The following CMC1 variants were observed in gnomAD, a reference collection of about 807,000 sequenced individuals.
CMC1 encodes the protein COX assembly mitochondrial protein homolog.
CMC1 carries 14 observed loss-of-function variants against 14.1 expected under a neutral mutation model. The observed-to-expected ratio is 0.99, with a 90% CI of 0.66 to 1.55. The LOEUF (loss-of-function observed/expected upper bound fraction) is 1.55, where lower values mean the gene tolerates loss of function less well. Among genes scored for constraint, CMC1 ranks in the 40% most tolerant of loss-of-function variants. The pLI, the probability that CMC1 is intolerant of heterozygous loss-of-function variation, is 0.00. For synonymous variants in CMC1, 50 were observed against 38.4 expected, an observed-to-expected ratio of 1.30 and a Z score of -1.12; for missense variants, 127 against 123.8, an observed-to-expected ratio of 1.03 and a Z score of -0.12.
chr3:28,258,429 A>T (rs376798742), intron 1 of CMC1, among the ~76,000 whole-genome samples: 4 of 150,140 alleles, frequency 2.7e-5, no homozygotes, highest in African/African-American at 9.7e-5. Context: ...CATTAGGCTT[A>T]TGATCCATTG....
intron 1 of CMC1, among the ~76,000 whole-genome samples, chr3:28,252,657 G>T (rs1311491155): frequency 6.6e-6 from 1 of 152,158 alleles, no homozygotes; most frequent in Non-Finnish European, 1.5e-5. Flanking sequence ...CCCTGCTTCA[G>T]CATAACTGTG....
intron 2 of CMC1, among the ~76,000 whole-genome samples, chr3:28,273,043 A>G (rs534974601): frequency 1.3e-5 from 2 of 152,274 alleles, no homozygotes; most frequent in African/African-American, 4.8e-5. Context: ...GGCCTCATAA[A>G]ATGAGTTAGG....
chr3:28,275,573 T>C (rs1010507033), intron 2 of CMC1, among the ~76,000 whole-genome samples: 1 of 152,068 alleles, frequency 6.6e-6, no homozygotes, highest in Non-Finnish European at 1.5e-5. Flanking sequence ...ACCCCCCGAT[T>C]GGGTCTCACC....
At chr3:28,269,457 C>T (rs1024086832) in intron 2 of CMC1, among the ~76,000 whole-genome samples, 7 of 143,094 alleles carry the variant, frequency 4.9e-5, no homozygotes, top group African/African-American at 1.5e-4. Flanking sequence ...TGAAACTTTA[C>T]TTTAAGTTCT....
intron 1 of CMC1, among the ~76,000 whole-genome samples, chr3:28,244,919 G>C (rs1020606608): frequency 9.6e-5 from 14 of 146,378 alleles, no homozygotes; most frequent in African/African-American, 3.5e-4. Flanking sequence ...TGTTTTGTCT[G>C]TTTAAATTCC....
chr3:28,259,067 G>C (rs994573696), intron 1 of CMC1, among the ~76,000 whole-genome samples: 1 of 151,922 alleles, frequency 6.6e-6, no homozygotes, highest in Non-Finnish European at 1.5e-5. Context: ...TTGTTCTTCT[G>C]TTTTAGTGTT....
intron 2 of CMC1, among the ~76,000 whole-genome samples, chr3:28,297,453 C>T (rs1701791882): frequency 6.6e-6 from 1 of 152,040 alleles, no homozygotes; most frequent in African/African-American, 2.4e-5. Flanking sequence ...TTCCTCTGTC[C>T]TAGGTTCTAC....
In CMC1 at chr3:28,285,408, T is replaced by TA. The variant is rs139231526; in HGVS notation, c.109+22038dup. The stretch of plus-strand genomic sequence containing the variant: ...GATTATGTAAAAGTCTTATTTGGGT[T>TA]AAAAAAAAAACACATGACTTTCTGT... On this transcript the variant is annotated intron_variant, in intron 2 of 3. Coordinates refer to ENST00000466830, the MANE Select transcript of CMC1 (RefSeq NM_182523.2). Among the ~76,000 whole-genome samples the TA allele has an allele frequency of 4.4e-4, 66 of 149,372 alleles. No individual in the cohort carries two copies. The East Asian group carries it at 8.8e-3, about 20-fold the overall frequency.
In CMC1 at chr3:28,324,216, T is replaced by C. The variant is rs1456973141; in HGVS notation, c.*4587T>C. The C allele has an allele frequency of 6.2e-7, 1 of 1,610,526 alleles. No individual in the cohort carries two copies. The highest frequency in any genetic ancestry group is 1.3e-5 in the African/African-American group (1 of 74,598). On this transcript the variant is annotated 3_prime_UTR_variant, in exon 4 of 4. Coordinates refer to ENST00000466830, the MANE Select transcript of CMC1 (RefSeq NM_182523.2). ...GAGAATTTCTGCCATAAGAACTGTG[T>C]TCCTGAAAGCATGTACCATCATTAG...
At chr3:28,266,754 AT>A (rs1700023837) in intron 2 of CMC1, among the ~76,000 whole-genome samples, 1 of 152,208 alleles carries the variant, frequency 6.6e-6, no homozygotes. Context: ...TGACAAGATT[AT>A]AAACTCTGTT....
Position 28,283,908 on chromosome 3 carries a change from T to C in CMC1, c.109+20528T>C, listed in dbSNP as rs138389880. 6.0e-4 allele frequency among the ~76,000 whole-genome samples: 92 copies of C among 152,334 alleles called. 1 individual carries two copies. Among genetic ancestry groups the C allele is most frequent in the African/African-American group, 2.1e-3 (86 of 41,586 alleles). On this transcript the variant is annotated intron_variant, in intron 2 of 3. Coordinates refer to ENST00000466830, the MANE Select transcript of CMC1 (RefSeq NM_182523.2). ...CTCTTTAAAAGCAGCTAGATGTTCA[T>C]TGAATCCTAGATTGTGTCAGTACAG...
intron 2 of CMC1, among the ~76,000 whole-genome samples, chr3:28,277,299 T>G (rs1373348204): frequency 1.3e-5 from 2 of 152,220 alleles, no homozygotes; most frequent in South Asian, 2.1e-4. Context: ...TGCATATATT[T>G]TAGTGTTAGC....
intron 2 of CMC1, among the ~76,000 whole-genome samples, chr3:28,311,645 G>A (rs933871865): frequency 1.3e-5 from 2 of 152,190 alleles, no homozygotes; most frequent in African/African-American, 4.8e-5. Flanking sequence ...AAGGGATGAT[G>A]ATTACTGAGA....
intron 2 of CMC1, 56 bp from the exon 3 acceptor site, chr3:28,316,277 T>A (rs1702910424): frequency 3.6e-6 from 3 of 823,880 alleles, no homozygotes; most frequent in African/African-American, 3.5e-5. Flanking sequence ...ATTGTGTGTG[T>A]GGGTATTTAT....
At chr3:28,289,764 A>G (rs1186527964) in intron 2 of CMC1, among the ~76,000 whole-genome samples, 1 of 152,124 alleles carries the variant, frequency 6.6e-6, no homozygotes, top group African/African-American at 2.4e-5. Context: ...GGGGGAAAAC[A>G]ACATCATGCT....
At chr3:28,272,445 A>G (rs1700343113) in intron 2 of CMC1, among the ~76,000 whole-genome samples, 1 of 152,100 alleles carries the variant, frequency 6.6e-6, no homozygotes, top group South Asian at 2.1e-4. Context: ...GTTGAATTTT[A>G]TTGAAGGCCC....
chr3:28,288,840 C>T lies in CMC1; in HGVS notation c.109+25460C>T, dbSNP rs189102970. ...TAATTTTTTAAAGTATACTCACAGT[C>T]CTTTTGTGGATAATTATGATTGTAA... is the stretch of plus-strand genomic sequence containing the variant. On this transcript the variant is annotated intron_variant, in intron 2 of 3. Transcript: ENST00000466830. 1.3e-3 allele frequency among the ~76,000 whole-genome samples: 199 copies of T among 151,100 alleles called. 3 individuals are homozygous for T. The highest frequency in any genetic ancestry group is 4.5e-3 in the African/African-American group (184 of 41,342).
chr3:28,270,920 CTTTTTTTT>C (rs71087680), intron 2 of CMC1, among the ~76,000 whole-genome samples: 1 of 83,738 alleles, frequency 1.2e-5, no homozygotes, highest in Non-Finnish European at 2.3e-5. Flanking sequence ...GAGTTAATTT[CTTTTTTTT>C]TTTTTTTTTT....
At chr3:28,251,313 C>T (rs1699114170) in intron 1 of CMC1, among the ~76,000 whole-genome samples, 1 of 152,098 alleles carries the variant, frequency 6.6e-6, no homozygotes. Context: ...GGGAACTAGT[C>T]ATTTTCTCTG....
Sources: gnomAD v4.1 joint callset for allele counts (sites outside exome capture counted in the v4.1 genomes callset) on GRCh38, gnomAD v4.1.1 for gene constraint, MANE v1.5 for transcripts, NCBI Gene and HGNC (gene_info 2026-07-23, HGNC 2026-07-21) for gene names.